MTRR: variants seen among roughly 807,000 people sequenced by gnomAD.
MTRR encodes methionine synthase reductase.
MTRR carries 63 observed loss-of-function variants against 79.2 expected under a neutral mutation model. The observed-to-expected ratio is 0.80, with a 90% CI of 0.65 to 0.98. The LOEUF (loss-of-function observed/expected upper bound fraction) is 0.98. Among genes scored for constraint, MTRR ranks in the 50% least tolerant of loss-of-function variants. The pLI is 0.00. For synonymous variants in MTRR, 355 were observed against 313.3 expected (o/e 1.13, Z -1.41); for missense variants, 895 against 839.6 (o/e 1.07, Z -0.82).
chr5:7,885,448 G>A (rs1169660221), intron 6 of MTRR, among the ~76,000 whole-genome samples: 1 of 152,040 alleles, frequency 6.6e-6, no homozygotes, highest in East Asian at 1.9e-4. Context: ...CATTCTTTAA[G>A]TATGATAAAA....
At chr5:7,884,094 G>A (rs1159956987) in intron 6 of MTRR, among the ~76,000 whole-genome samples, 1 of 152,176 alleles carries the variant, frequency 6.6e-6, no homozygotes. Context: ...AGCCTGGGAG[G>A]TTGAGACTAC....
At chr5:7,869,409 C>G (rs542757362) in intron 1 of MTRR, 194 bp downstream of exon 1, 3 of 611,524 alleles carry the variant, frequency 4.9e-6, no homozygotes, top group African/African-American at 1.9e-5. Context: ...TTGGTGTCCC[C>G]GGGAGCGTGT....
chr5:7,856,769 T>A (rs1055651297), intron 1 of MTRR: 1 of 131,646 alleles, frequency 7.6e-6, no homozygotes, highest in African/African-American at 2.7e-5. Context: ...TTTTTAATTT[T>A]ATTTATTTTT....
In MTRR at chr5:7,895,244, T is replaced by TA. The variant is rs1189259350; in HGVS notation, c.1558-489dup. Among the ~76,000 whole-genome samples the TA allele has an allele frequency of 2.6e-5, 4 of 152,356 alleles. No homozygotes were observed. In the East Asian group the frequency reaches 7.7e-4, roughly 29 times the overall value. On this transcript the variant is annotated intron_variant, in intron 11 of 14. Coordinates refer to ENST00000440940, the MANE Select transcript of MTRR (RefSeq NM_002454.3). ...TTATAACAAAAATAATTCTGGGTAA[T>TA]ATTGGACCCAGAATAGCAAATACAG...
chr5:7,885,561 TG>T, intron 6 of MTRR, 139 bp from the exon 7 acceptor site: 5 of 825,144 alleles, frequency 6.1e-6, no homozygotes, highest in Non-Finnish European at 5.6e-6. Flanking sequence ...AACAATTGTG[TG>T]TTTTTTTTTT....
chr5:7,879,894 C>T (rs557215926), intron 5 of MTRR, among the ~76,000 whole-genome samples: 1 of 152,224 alleles, frequency 6.6e-6, no homozygotes, highest in African/African-American at 2.4e-5. Context: ...CTCTCCTGCT[C>T]TGGGCCCCAC....
chr5:7,877,599 G>T lies in MTRR; in HGVS notation c.402-345G>T, dbSNP rs1734793471. Reference sequence around the variant, plus strand: ...TTTTGGTTAAGTTCTGTTAGCATTAGTATGCCTATTTAAAATTATATCTTC... The same window carrying T: ...TTTTGGTTAAGTTCTGTTAGCATTATTATGCCTATTTAAAATTATATCTTC... On this transcript the variant is annotated intron_variant, in intron 4 of 14. Transcript: ENST00000440940. Among the ~76,000 whole-genome samples, 3 of 151,078 alleles carry T rather than the reference G, an allele frequency of 2.0e-5. No individual in the cohort carries two copies. In the South Asian group the frequency reaches 6.3e-4, roughly 32 times the overall value.
intron 2 of MTRR, chr5:7,872,442 A>G (rs1748156102): frequency 4.1e-6 from 1 of 246,644 alleles, no homozygotes; most frequent in South Asian, 4.5e-5. Flanking sequence ...AATGCTCTAT[A>G]TGAAATATTT....
chr5:7,873,578 G>A (rs1748382100), intron 3 of MTRR, 52 bp downstream of exon 3: 3 of 1,591,868 alleles, frequency 1.9e-6, no homozygotes, highest in East Asian at 4.5e-5. Context: ...GATATCTCTG[G>A]TATCTGAATT....
At chr5:7,896,798 A>G (rs1738593777) in intron 12 of MTRR, 66 bp from the exon 13 acceptor site, 1 of 1,250,902 alleles carries the variant, frequency 8.0e-7, no homozygotes, top group African/African-American at 1.5e-5. Context: ...GGTAGTTCCT[A>G]ATGAAAGAGA....
At chr5:7,850,943 C>T, upstream of MTRR, 3 of 1,345,716 alleles carry the variant, frequency 2.2e-6, no homozygotes, top group Non-Finnish European at 9.6e-7. Flanking sequence ...TAGCTGAAGG[C>T]GGACTGCGCC....
intron 4 of MTRR, among the ~76,000 whole-genome samples, chr5:7,877,303 G>T (rs561251139): frequency 5.3e-5 from 8 of 152,044 alleles, no homozygotes; most frequent in Non-Finnish European, 8.8e-5. Context: ...ATCTATTTAT[G>T]ATGAATTCAA....
At position 7,900,024 on chromosome 5, in the gene MTRR, A is replaced by G; in HGVS notation, c.2063A>G (p.Glu688Gly). Residue 688 changes from glutamate to glycine, a missense_variant, in exon 15 of 15, where the codon GAA becomes GGA. Coordinates refer to ENST00000440940, the MANE Select transcript of MTRR (RefSeq NM_002454.3). ...EAMKTLATLK[E>G]EKRYLQDIWS ...ATGAAAACCCTGGCCACTTTAAAAG[A>G]AGAAAAACGCTACCTTCAGGATATT... 1 of 1,613,962 alleles carries G rather than the reference A, an allele frequency of 6.2e-7. No individual in the cohort carries two copies. The highest frequency in any genetic ancestry group is 8.5e-7 in the Non-Finnish European group (1 of 1,179,988).
upstream of MTRR, chr5:7,865,815 A>T: frequency 9.6e-7 from 1 of 1,043,034 alleles, no homozygotes; most frequent in Non-Finnish European, 1.5e-6. Flanking sequence ...TTTTCAGGTT[A>T]TTGAGACAGA....
At chr5:7,899,050 G>A (rs1447354597) in intron 14 of MTRR, among the ~76,000 whole-genome samples, 3 of 152,058 alleles carry the variant, frequency 2.0e-5, no homozygotes, top group Non-Finnish European at 4.4e-5. Context: ...GGCAAGAGAG[G>A]GAGCAAGAGG....
chr5:7,871,915 CAGTATCATAAAACT>C (rs1323760980), intron 2 of MTRR, among the ~76,000 whole-genome samples: 2 of 152,188 alleles, frequency 1.3e-5, no homozygotes. Flanking sequence ...CCAAAGCCAT[CAGTATCATAAAACT>C]AGTCCTGATT....
intron 8 of MTRR, among the ~76,000 whole-genome samples, chr5:7,887,469 A>G (rs1456221333): frequency 6.6e-6 from 1 of 151,058 alleles, no homozygotes; most frequent in Non-Finnish European, 1.5e-5. Context: ...CGTTTTATTA[A>G]TGTGTTTATT....
In MTRR at chr5:7,878,116, G is replaced by A. The variant is rs143058455; in HGVS notation, c.574G>A (p.Glu192Lys). The change falls in exon 5 of 15, where the codon GAG becomes AAG. Residue 192 changes from glutamate to lysine, a missense_variant. Physicochemically the swap from Glu to Lys is moderately conservative, Grantham distance 56. Transcript: ENST00000440940. ...SELLHIESQVELLRFDDSGRK... is the reference protein window; with the variant it reads ...SELLHIESQVKLLRFDDSGRK... ...GCTGCTACACATTGAATCTCAAGTC[G>A]AGCTTCTGAGATTCGATGATTCAGG... 7 of 1,614,024 alleles carry A rather than the reference G, an allele frequency of 4.3e-6. No homozygotes were observed. Among genetic ancestry groups the A allele is most frequent in the Admixed American group, 1.7e-5 (1 of 60,012 alleles).
intron 1 of MTRR, among the ~76,000 whole-genome samples, chr5:7,853,807 C>T (rs1286020532): frequency 6.6e-6 from 1 of 152,210 alleles, no homozygotes; most frequent in Non-Finnish European, 1.5e-5. Context: ...ACAGTCTCCC[C>T]TGGAGTGTCT....
Sources: allele counts gnomAD v4.1 joint callset (sites outside exome capture counted in the v4.1 genomes callset), GRCh38; gene constraint gnomAD v4.1.1; transcripts MANE v1.5; gene names NCBI Gene and HGNC (gene_info 2026-07-23, HGNC 2026-07-21).